The following KIN variants were observed in gnomAD, a reference collection of about 807,000 sequenced individuals.
KIN encodes the protein Kin17 DNA and RNA binding protein.
A neutral mutation model predicts 63.0 loss-of-function variants in KIN; 47 were observed. The observed-to-expected ratio is 0.75, with a 90% CI of 0.59 to 0.95. The LOEUF (loss-of-function observed/expected upper bound fraction) is 0.95. Ranked by LOEUF, KIN falls within the 40% of genes least tolerant of loss-of-function variation. KIN has a pLI of 0.00. For synonymous variants in KIN, 160 were observed against 157.7 expected (o/e 1.01, Z -0.11); for missense variants, 408 against 460.9 (o/e 0.89, Z 1.05).
intron 7 of KIN, among the ~76,000 whole-genome samples, chr10:7,769,884 G>A (rs535409409): frequency 6.0e-4 from 91 of 152,258 alleles, no homozygotes; most frequent in African/African-American, 2.1e-3. Flanking sequence ...AGTTCTCAAC[G>A]TGTTACTTAA....
intron 1 of KIN, among the ~76,000 whole-genome samples, chr10:7,785,637 A>T (rs767231594): frequency 6.6e-6 from 1 of 152,118 alleles, no homozygotes; most frequent in Non-Finnish European, 1.5e-5. Context: ...TACCAAAAAT[A>T]CAAACATTAG....
Position 7,778,875 on chromosome 10 carries a change from T to A in KIN, c.521A>T (p.Glu174Val), listed in dbSNP as rs1314270212. Residue 174 changes from glutamate to valine, a missense_variant, in exon 5 of 13, where the codon GAA becomes GTA. Physicochemically the swap from Glu to Val is moderately radical, Grantham distance 121. Around this residue, in one of 2 missense-constraint regions of KIN, gnomAD observed 298 missense variants for 296.0 expected, o/e 1.01. Transcript: ENST00000379562. ...DDEEKTAKFI[E>V]EQVRRGLEGK... is the part of the protein sequence containing the mutation. ...TTCCAGGCCTCTTCTCACTTGCTCT[T>A]CAATAAATTTGGCAGTTTTTTCTTC... 1.2e-6 allele frequency: 2 copies of A among 1,614,148 alleles called. No homozygotes were observed.
In KIN at chr10:7,760,155, G is replaced by A. The variant is rs376391047; in HGVS notation, c.1019-165C>T. ...GAAGTGTGTAGTATTTTAGTGCGGT[G>A]TATGGATACTTTCACTACTCGAACA... On this transcript the variant is annotated intron_variant, in intron 11 of 12. Transcript: ENST00000379562. 2.4e-4 allele frequency among the ~76,000 whole-genome samples: 37 copies of A among 152,238 alleles called. No individual in the cohort carries two copies. The East Asian group carries it at 6.6e-3, about 27-fold the overall frequency.
Position 7,752,737 on chromosome 10 carries a change from T to C in KIN, c.*3343A>G, listed in dbSNP as rs992476744. ...TAGAATATGCAGTGCTAAAATGAAG[T>C]GCGCTATCGAGCCACAAAAACCTAA... On this transcript the variant is annotated 3_prime_UTR_variant, in exon 13 of 13. Transcript: ENST00000379562. 6.6e-6 allele frequency: 1 copy of C among 152,164 alleles called. No homozygotes were observed. The highest frequency in any genetic ancestry group is 1.9e-4 in the East Asian group (1 of 5,198). The allele number at this position is 152,164 out of a possible 1,614,324, so 9.4% of individuals were successfully genotyped here. A position where few individuals can be genotyped will look rare whatever the true frequency, so the allele number is the denominator to read the frequency against.
At chr10:7,762,002 AAAAT>A (rs563110771) in intron 11 of KIN, among the ~76,000 whole-genome samples, 1 of 152,180 alleles carries the variant, frequency 6.6e-6, no homozygotes, top group Non-Finnish European at 1.5e-5. Context: ...CTGTGTCTCA[AAAAT>A]AAATAAATAA....
At chr10:7,787,492 A>C (rs1836046609) in intron 1 of KIN, among the ~76,000 whole-genome samples, 1 of 152,218 alleles carries the variant, frequency 6.6e-6, no homozygotes, top group Non-Finnish European at 1.5e-5. Flanking sequence ...GATGACTGTT[A>C]CTGGCATTGC....
intron 12 of KIN, among the ~76,000 whole-genome samples, chr10:7,758,019 T>C (rs1342083650): frequency 6.6e-6 from 1 of 151,776 alleles, no homozygotes; most frequent in Non-Finnish European, 1.5e-5. Flanking sequence ...GATTTTTTTT[T>C]TTTTTTTAAT....
In KIN at chr10:7,775,806, AAAAG is replaced by A; in HGVS notation, c.559-11_559-8del. ...CCGTAAAAGTAGGGACCTCCTAAAA[AAAAG>A]AAAGTTTTAAGGTTTTGGTGTACAT... On this transcript the variant is annotated splice_region_variant and splice_polypyrimidine_tract_variant and intron_variant, in intron 5 of 12. Transcript: ENST00000379562. 2.6e-6 allele frequency: 4 copies of A among 1,538,208 alleles called. No homozygotes were observed. Among genetic ancestry groups the A allele is most frequent in the Non-Finnish European group, 3.5e-6 (4 of 1,131,928 alleles).
chr10:7,767,808 G>A (rs1407688053), intron 8 of KIN, among the ~76,000 whole-genome samples: 1 of 150,602 alleles, frequency 6.6e-6, no homozygotes, highest in Non-Finnish European at 1.5e-5. Flanking sequence ...GCAGGGAGCT[G>A]GGATTGCACC....
At chr10:7,779,536 G>A (rs1383378578) in intron 4 of KIN, among the ~76,000 whole-genome samples, 1 of 152,146 alleles carries the variant, frequency 6.6e-6, no homozygotes, top group Non-Finnish European at 1.5e-5. Context: ...AACCAACCGT[G>A]GGTGAGAAAT....
chr10:7,758,612 A>G lies in KIN; in HGVS notation c.1119+1278T>C, dbSNP rs146947609. On this transcript the variant is annotated intron_variant, in intron 12 of 12. Transcript: ENST00000379562. ...TGTGTTTCCCTGAGATGAAAACATGAAACAGGATCTGCATTTGATAGCACT... is the reference window on the plus strand; with the variant it reads ...TGTGTTTCCCTGAGATGAAAACATGGAACAGGATCTGCATTTGATAGCACT... Among the ~76,000 whole-genome samples the G allele has an allele frequency of 9.1e-4, 139 of 152,054 alleles. 1 individual carries two copies. Among genetic ancestry groups the G allele is most frequent in the East Asian group, 4.6e-3 (24 of 5,166 alleles).
intron 7 of KIN, 97 bp from the exon 8 acceptor site, chr10:7,769,442 T>C (rs1216350841): frequency 2.4e-6 from 3 of 1,263,282 alleles, no homozygotes; most frequent in South Asian, 2.8e-5. Flanking sequence ...ATGTGTGACA[T>C]AGTAATTTAC....
chr10:7,771,028 A>T (rs1835656851), intron 7 of KIN, among the ~76,000 whole-genome samples: 1 of 152,076 alleles, frequency 6.6e-6, no homozygotes, highest in African/African-American at 2.4e-5. Flanking sequence ...CTGGGTTTTG[A>T]CCTGTAATTC....
chr10:7,765,960 G>T, intron 9 of KIN, 93 bp downstream of exon 9: 1 of 825,140 alleles, frequency 1.2e-6, no homozygotes, highest in Non-Finnish European at 2.0e-6. Context: ...GATTATACGT[G>T]TTTGAAAAGT....
intron 4 of KIN, 99 bp from the exon 5 acceptor site, chr10:7,779,118 A>T (rs7095166): frequency 0.05 from 68,310 of 1,374,114 alleles, 3,734 homozygotes; most frequent in East Asian, 0.25. Flanking sequence ...TCAAACACAC[A>T]CAAATCAGGC....
At chr10:7,786,200 T>C (rs956909201) in intron 1 of KIN, among the ~76,000 whole-genome samples, 3 of 152,200 alleles carry the variant, frequency 2.0e-5, no homozygotes, top group Non-Finnish European at 2.9e-5. Context: ...TGATCGAATC[T>C]TGATTTCAAG....
At chr10:7,762,429 G>A (rs973218138) in intron 11 of KIN, 28 bp downstream of exon 11, 8 of 1,271,098 alleles carry the variant, frequency 6.3e-6, no homozygotes, top group Non-Finnish European at 9.1e-6. Context: ...GATGGCATAT[G>A]TATTAAATGG....
At position 7,752,952 on chromosome 10, in the gene KIN, T is replaced by C. The variant is rs1039772286; in HGVS notation, c.*3128A>G. The C allele has an allele frequency of 1.3e-5, 2 of 152,114 alleles. No individual in the cohort carries two copies. Among genetic ancestry groups the C allele is most frequent in the East Asian group, 1.9e-4 (1 of 5,196 alleles). 9.4% of individuals were successfully genotyped at this position (152,114 alleles called of 1,614,324 possible). A position where few individuals can be genotyped will look rare whatever the true frequency, so the allele number is the denominator to read the frequency against. ...AGGGAACAGACAGAACACAGGAAAC[T>C]TCTAGGGCAGTGAAACTGTTCTGTG... is the stretch of plus-strand genomic sequence containing the variant. On this transcript the variant is annotated 3_prime_UTR_variant, in exon 13 of 13. Coordinates refer to ENST00000379562, the MANE Select transcript of KIN (RefSeq NM_012311.4).
Position 7,753,968 on chromosome 10 carries a change from CT to C in KIN, c.*2111del, listed in dbSNP as rs1835283119. The C allele has an allele frequency of 2.2e-6, 1 of 453,220 alleles. No homozygotes were observed. Among genetic ancestry groups the C allele is most frequent in the Non-Finnish European group, 4.4e-6 (1 of 225,424 alleles). 28.1% of individuals were successfully genotyped at this position (453,220 alleles called of 1,614,324 possible). ...GCACCATACCTGTGTCTGACGTCAG[CT>C]TATACCCATCCTCATGTTTGAAGTG... is the stretch of plus-strand genomic sequence containing the variant. On this transcript the variant is annotated 3_prime_UTR_variant, in exon 13 of 13. Coordinates refer to ENST00000379562, the MANE Select transcript of KIN (RefSeq NM_012311.4).
Sources: allele counts gnomAD v4.1 joint callset (sites outside exome capture counted in the v4.1 genomes callset), GRCh38; gene constraint gnomAD v4.1.1; regional missense constraint gnomAD v4.1.1; transcripts MANE v1.5; gene names NCBI Gene and HGNC (gene_info 2026-07-23, HGNC 2026-07-21).